Variants in TRPC5 observed in about 807,000 individuals in gnomAD.
The protein encoded by TRPC5 is short transient receptor potential channel 5.
TRPC5 carries 9 observed loss-of-function variants against 56.5 expected under a neutral mutation model. The ratio of observed to expected loss-of-function variants is 0.16; its 90% CI spans 0.10 to 0.28. The LOEUF (loss-of-function observed/expected upper bound fraction) is 0.28, where lower values mean the gene tolerates loss of function less well. TRPC5 is among the 10% of genes least tolerant of loss of function. The probability of loss-of-function intolerance (pLI) is 1.00; values close to 1 mark genes in which losing one functional copy is unlikely to be tolerated. For missense variants in TRPC5, 469 were observed against 748.9 expected (o/e 0.63, Z 4.36); for synonymous variants, 282 against 278.5 (o/e 1.01, Z -0.13).
rs1945853756 is a variant in TRPC5, at chrX:111,773,232, T to G, written c.*3081A>C. 8.9e-6 allele frequency among the ~76,000 whole-genome samples: 1 copy of G among 112,012 alleles called. No individual in the cohort carries two copies. The highest frequency in any genetic ancestry group is 1.9e-5 in the Non-Finnish European group (1 of 53,230). ...GCATTTTCCGAAAATGATTTTAAATTTAGTCTTTCCTCTGTATTTCACTGG... is the reference window on the plus strand; with the variant it reads ...GCATTTTCCGAAAATGATTTTAAATGTAGTCTTTCCTCTGTATTTCACTGG... On this transcript the variant is annotated 3_prime_UTR_variant, in exon 11 of 11. Coordinates refer to ENST00000262839, the MANE Select transcript of TRPC5 (RefSeq NM_012471.3).
intron 1 of TRPC5, among the ~76,000 whole-genome samples, chrX:112,061,955 A>G (rs767330805): frequency 1.1e-4 from 12 of 111,926 alleles, no homozygotes; most frequent in African/African-American, 2.9e-4. Flanking sequence ...TCAATGATAT[A>G]ATGGTTTGAT....
chrX:111,810,275 G>A (rs201565345), intron 7 of TRPC5, among the ~76,000 whole-genome samples: 1 of 111,080 alleles, frequency 9.0e-6, no homozygotes, highest in East Asian at 2.8e-4. Context: ...CATGGGGAGA[G>A]GACTGCATAA....
intron 2 of TRPC5, among the ~76,000 whole-genome samples, chrX:111,922,907 G>A (rs1926161413): frequency 8.9e-6 from 1 of 111,902 alleles, no homozygotes; most frequent in Admixed American, 9.5e-5. Flanking sequence ...GGCTACTGGA[G>A]GTTGAGCACT....
chrX:111,846,997 C>T, intron 6 of TRPC5, 117 bp downstream of exon 6: 1 of 793,976 alleles, frequency 1.3e-6, no homozygotes. Context: ...GTGAGCACTG[C>T]CTTCACAGTC....
intron 7 of TRPC5, among the ~76,000 whole-genome samples, chrX:111,798,169 C>T (rs940928594): frequency 1.8e-5 from 2 of 111,671 alleles, no homozygotes; most frequent in Admixed American, 9.6e-5. Flanking sequence ...AATGTATGCA[C>T]ACATAGAGCA....
chrX:111,781,232 T>C (rs747596652), intron 8 of TRPC5, 26 bp from the exon 9 acceptor site: 1 of 1,187,364 alleles, frequency 8.4e-7, no homozygotes, highest in Non-Finnish European at 1.1e-6. Flanking sequence ...GACAGAGATG[T>C]TACATCAGCA....
At chrX:111,883,620 G>C (rs1044117895) in intron 3 of TRPC5, among the ~76,000 whole-genome samples, 2 of 112,388 alleles carry the variant, frequency 1.8e-5, no homozygotes, top group Non-Finnish European at 3.7e-5. Context: ...TATAGCCAAG[G>C]ACTAAGCCTA....
At chrX:111,915,824 G>T (rs1287230061) in intron 2 of TRPC5, among the ~76,000 whole-genome samples, 2 of 110,875 alleles carry the variant, frequency 1.8e-5, no homozygotes, top group Non-Finnish European at 3.8e-5. Context: ...GACTCTCTTG[G>T]GCCAGGCGTG....
At chrX:111,860,216 G>C (rs1923367769) in intron 3 of TRPC5, among the ~76,000 whole-genome samples, 1 of 112,472 alleles carries the variant, frequency 8.9e-6, no homozygotes, top group Admixed American at 9.4e-5. Flanking sequence ...CCTACTTATA[G>C]CCAGTTTTTA....
intron 3 of TRPC5, among the ~76,000 whole-genome samples, chrX:111,887,936 C>T (rs1278954907): frequency 3.6e-5 from 4 of 111,520 alleles, no homozygotes; most frequent in Admixed American, 9.6e-5. Flanking sequence ...GAAAGTGATA[C>T]GTTTCTAAGA....
intron 1 of TRPC5, among the ~76,000 whole-genome samples, chrX:112,003,597 G>A (rs533542651): frequency 3.1e-4 from 34 of 110,599 alleles, no homozygotes; most frequent in African/African-American, 1.1e-3. Context: ...CATATGCAAG[G>A]TTGTAGGAGG....
intron 4 of TRPC5, among the ~76,000 whole-genome samples, chrX:111,852,715 AT>A (rs1207795602): frequency 8.9e-6 from 1 of 111,734 alleles, no homozygotes; most frequent in African/African-American, 3.3e-5. Context: ...TGCTGTTGCA[AT>A]TTTGGGTGCC....
chrX:111,987,285 T>C (rs192469410), intron 1 of TRPC5, among the ~76,000 whole-genome samples: 1 of 112,008 alleles, frequency 8.9e-6, no homozygotes, highest in African/African-American at 3.2e-5. Context: ...GAGGCAATTG[T>C]TACTTTTAAG....
At chrX:111,801,643 TGATGTTGAG>T (rs1401619261) in intron 7 of TRPC5, among the ~76,000 whole-genome samples, 1 of 112,371 alleles carries the variant, frequency 8.9e-6, no homozygotes, top group Non-Finnish European at 1.9e-5. Flanking sequence ...TAATGCCGAA[TGATGTTGAG>T]GATGTTACAA....
At chrX:111,798,985 T>C (rs1921210775) in intron 7 of TRPC5, among the ~76,000 whole-genome samples, 1 of 111,874 alleles carries the variant, frequency 8.9e-6, no homozygotes, top group Non-Finnish European at 1.9e-5. Context: ...GCCGATGAAG[T>C]GGCAGCTGAC....
At chrX:112,003,192 G>C (rs1179802028) in intron 1 of TRPC5, among the ~76,000 whole-genome samples, 1 of 111,581 alleles carries the variant, frequency 9.0e-6, no homozygotes, top group African/African-American at 3.3e-5. Context: ...TTATGTGTGA[G>C]GCAAACATTA....
intron 7 of TRPC5, among the ~76,000 whole-genome samples, chrX:111,789,650 T>G (rs1377490576): frequency 8.9e-6 from 1 of 111,926 alleles, no homozygotes; most frequent in Non-Finnish European, 1.9e-5. Flanking sequence ...GGGAGAAAAT[T>G]TGTGCAATCT....
At chrX:111,911,308 C>T (rs774641663) in intron 3 of TRPC5, among the ~76,000 whole-genome samples, 1 of 112,500 alleles carries the variant, frequency 8.9e-6, no homozygotes, top group Non-Finnish European at 1.9e-5. Context: ...CTTCTGGTGC[C>T]ATGCACTGAA....
chrX:112,079,305 T>C (rs746927084), intron 1 of TRPC5, among the ~76,000 whole-genome samples: 32 of 112,147 alleles, frequency 2.9e-4, no homozygotes, highest in Non-Finnish European at 4.9e-4. Context: ...CAGGAAAGCA[T>C]CATGACACAT....
Sources: gnomAD v4.1 joint callset for allele counts (sites outside exome capture counted in the v4.1 genomes callset) on GRCh38, gnomAD v4.1.1 for gene constraint, MANE v1.5 for transcripts, NCBI Gene and HGNC (gene_info 2026-07-23, HGNC 2026-07-21) for gene names.